ROBO1: variants seen among roughly 807,000 people sequenced by gnomAD.
The protein encoded by ROBO1 is roundabout guidance receptor 1, also known as roundabout homolog 1.
In ROBO1, 149 loss-of-function variants were observed where a neutral mutation model predicts 195.9. The observed-to-expected ratio is 0.76, with a 90% confidence interval of 0.67 to 0.87. The LOEUF is 0.87. Ranked by LOEUF, ROBO1 falls within the 40% of genes least tolerant of loss-of-function variation. The probability of loss-of-function intolerance (pLI) is 0.00; values close to 1 mark genes in which losing one functional copy is unlikely to be tolerated. For synonymous variants in ROBO1, 816 were observed against 733.2 expected (o/e 1.11, Z -1.82); for missense variants, 1,933 against 2,068.3 (o/e 0.93, Z 1.27).
chr3:78,899,029 T>G (rs2037426259), intron 4 of ROBO1, among the ~76,000 whole-genome samples: 1 of 152,154 alleles, frequency 6.6e-6, no homozygotes, highest in Admixed American at 6.5e-5. Context: ...TGTTCTTTCC[T>G]CTCACCTACA....
At chr3:78,626,464 G>A (rs1409827963) in intron 26 of ROBO1, among the ~76,000 whole-genome samples, 3 of 152,168 alleles carry the variant, frequency 2.0e-5, no homozygotes, top group South Asian at 2.1e-4. Context: ...CACAAAAATC[G>A]CAGTTTGTTA....
chr3:79,087,524 TTTCC>T (rs1347635065), intron 3 of ROBO1, among the ~76,000 whole-genome samples: 3 of 151,674 alleles, frequency 2.0e-5, no homozygotes, highest in East Asian at 1.9e-4. Context: ...CCTTCCTTCC[TTTCC>T]TTCCTTCCTT....
At chr3:78,951,293 C>T (rs1396015380) in intron 3 of ROBO1, among the ~76,000 whole-genome samples, 1 of 151,714 alleles carries the variant, frequency 6.6e-6, no homozygotes, top group East Asian at 1.9e-4. Flanking sequence ...ACATACAGTA[C>T]ATATATATAA....
Position 79,437,428 on chromosome 3 carries a change from C to A in ROBO1, c.88+152396G>T, listed in dbSNP as rs1048493693. Among the ~76,000 whole-genome samples, 4 of 151,894 alleles carry A rather than the reference C, an allele frequency of 2.6e-5. No homozygotes were observed. In the East Asian group the frequency reaches 7.7e-4, roughly 29 times the overall value. ...AGGTGTGCATCTGTGTATCCTACAA[C>A]CCAACATATATACTCTTTTTTGAAA... On this transcript the variant is annotated intron_variant, in intron 2 of 30. Transcript: ENST00000464233.
intron 4 of ROBO1, among the ~76,000 whole-genome samples, chr3:78,885,835 A>AGATTT (rs2036527098): frequency 6.7e-6 from 1 of 149,362 alleles, no homozygotes; most frequent in African/African-American, 2.5e-5. Context: ...ATGTTCATAC[A>AGATTT]ACCCTGCCCA....
intron 2 of ROBO1, among the ~76,000 whole-genome samples, chr3:79,258,009 T>A (rs1228770249): frequency 6.6e-6 from 1 of 152,130 alleles, no homozygotes; most frequent in African/African-American, 2.4e-5. Context: ...GTTTTCAGCC[T>A]TTGGGATGTG....
chr3:78,704,075 A>G (rs1298538562), intron 8 of ROBO1, among the ~76,000 whole-genome samples: 1 of 152,066 alleles, frequency 6.6e-6, no homozygotes, highest in Non-Finnish European at 1.5e-5. Flanking sequence ...ACAGTTCTCA[A>G]CCAAGATCTT....
At chr3:78,744,682 G>A (rs573831931) in intron 5 of ROBO1, among the ~76,000 whole-genome samples, 1 of 152,032 alleles carries the variant, frequency 6.6e-6, no homozygotes, top group Non-Finnish European at 1.5e-5. Flanking sequence ...CCAGACACTT[G>A]TATAGTTGAT....
chr3:78,760,547 TATAGAACCTCATCAATAAACATGA>T (rs2083072964), intron 4 of ROBO1, among the ~76,000 whole-genome samples: 2 of 152,168 alleles, frequency 1.3e-5, no homozygotes, highest in African/African-American at 4.8e-5. Context: ...TCACAGCCTG[TATAGAACCTCATCAATAAACATGA>T]ATTAACCTAT....
intron 1 of ROBO1, among the ~76,000 whole-genome samples, chr3:79,616,815 C>T (rs929479418): frequency 5.9e-5 from 9 of 152,062 alleles, no homozygotes; most frequent in East Asian, 1.9e-4. Flanking sequence ...GCATCCCCAC[C>T]GAAATTGTGT....
chr3:78,770,522 A>AC (rs2083346534), intron 4 of ROBO1, among the ~76,000 whole-genome samples: 1 of 152,186 alleles, frequency 6.6e-6, no homozygotes, highest in Non-Finnish European at 1.5e-5. Flanking sequence ...GATTCTGAAT[A>AC]CAAGACTCTT....
intron 4 of ROBO1, among the ~76,000 whole-genome samples, chr3:78,863,429 G>A (rs2034973871): frequency 6.6e-6 from 1 of 152,112 alleles, no homozygotes; most frequent in Admixed American, 6.5e-5. Flanking sequence ...GGGGAAATGT[G>A]CAAACTATGT....
At chr3:79,318,431 G>A (rs773425880) in intron 2 of ROBO1, among the ~76,000 whole-genome samples, 8 of 152,234 alleles carry the variant, frequency 5.3e-5, no homozygotes, top group Non-Finnish European at 8.8e-5. Flanking sequence ...GTCTAATTGA[G>A]TAACTTTCTG....
chr3:79,632,904 GA>G (rs1268901002), intron 1 of ROBO1, among the ~76,000 whole-genome samples: 3 of 151,988 alleles, frequency 2.0e-5, no homozygotes, highest in African/African-American at 7.2e-5. Context: ...AATCCTAAAT[GA>G]AGAGCTCTTC....
chr3:79,494,843 C>T (rs999978738), intron 2 of ROBO1, among the ~76,000 whole-genome samples: 10 of 152,140 alleles, frequency 6.6e-5, no homozygotes, highest in African/African-American at 2.4e-4. Flanking sequence ...GCAAAATGAT[C>T]ACTGAGTCAG....
At chr3:79,585,579 T>C (rs985227904) in intron 2 of ROBO1, among the ~76,000 whole-genome samples, 1 of 147,162 alleles carries the variant, frequency 6.8e-6, no homozygotes. Context: ...AGAAAACAAG[T>C]ATCTCCAAAT....
intron 4 of ROBO1, among the ~76,000 whole-genome samples, chr3:78,841,392 C>T (rs1013545050): frequency 3.3e-5 from 5 of 152,098 alleles, no homozygotes; most frequent in African/African-American, 1.2e-4. Flanking sequence ...GGGGCTGAGT[C>T]CCTTGTGAAA....
chr3:78,930,585 C>T (rs561993615), intron 4 of ROBO1, among the ~76,000 whole-genome samples: 16 of 152,322 alleles, frequency 1.1e-4, no homozygotes, highest in African/African-American at 3.8e-4. Context: ...ATCCAAACTT[C>T]CAATTCCATT....
In ROBO1 at chr3:79,107,687, T is replaced by C. The variant is rs147561194; in HGVS notation, c.172+17769A>G. Among the ~76,000 whole-genome samples the C allele has an allele frequency of 2.3e-3, 342 of 151,840 alleles. 2 individuals carry two copies. Among genetic ancestry groups the C allele is most frequent in the African/African-American group, 7.9e-3 (327 of 41,524 alleles). ...TACCTGTATTGAGAGTGATTACTTA[T>C]GTAATCAGTAAAACTCTCAATACAG... is the stretch of plus-strand genomic sequence containing the variant. On this transcript the variant is annotated intron_variant, in intron 3 of 30. Coordinates refer to ENST00000464233, the MANE Select transcript of ROBO1 (RefSeq NM_002941.4).
Sources: allele counts gnomAD v4.1 joint callset (sites outside exome capture counted in the v4.1 genomes callset), GRCh38; gene constraint gnomAD v4.1.1; transcripts MANE v1.5; gene names NCBI Gene and HGNC (gene_info 2026-07-23, HGNC 2026-07-21).